UNC13D: variants seen among roughly 807,000 people sequenced by gnomAD.
The protein encoded by UNC13D is unc-13 homolog D.
Under a neutral mutation model 151.7 loss-of-function variants are expected in UNC13D, and 115 were observed. The ratio of observed to expected loss-of-function variants is 0.76; its 90% CI spans 0.65 to 0.88. The LOEUF (loss-of-function observed/expected upper bound fraction) is 0.88, where lower values mean the gene tolerates loss of function less well. Among genes scored for constraint, UNC13D ranks in the 40% least tolerant of loss-of-function variants. UNC13D has a pLI of 0.00. For missense variants in UNC13D, 1,369 were observed against 1,438.7 expected, an observed-to-expected ratio of 0.95 and a Z score of 0.78; for synonymous variants, 588 against 612.2, an observed-to-expected ratio of 0.96 and a Z score of 0.58.
At position 75,828,030 on chromosome 17, in the gene UNC13D, A is replaced by G. The variant is rs769221887; in HGVS notation, c.3208T>C (p.Phe1070Leu). Reference sequence around the variant, plus strand: ...GCCCGGTGCCGCCGCAGCCTCACAAAGACCTGGGCTTCTCGGTCACCCTTC... The same window carrying G: ...GCCCGGTGCCGCCGCAGCCTCACAAGGACCTGGGCTTCTCGGTCACCCTTC... ...GRKGDREAQV[F>L]VRLRRHRAKQ... Residue 1070 changes from phenylalanine (F) to leucine (L), a missense_variant, in exon 32 of 32, where the codon TTT becomes CTT. Phe to Leu is a conservative substitution (Grantham distance 22). Around this residue, in one of 3 missense-constraint regions of UNC13D, gnomAD observed 807 missense variants for 795.5 expected, o/e 1.01. Coordinates refer to ENST00000207549, the MANE Select transcript of UNC13D (RefSeq NM_199242.3). The G allele has an allele frequency of 9.4e-6, 15 of 1,588,282 alleles. No individual in the cohort carries two copies. The Admixed American group carries it at 2.0e-4, about 21-fold the overall frequency.
At chr17:75,829,014 C>T (rs1215921031) in intron 30 of UNC13D, 31 bp from the exon 31 acceptor site, 1 of 1,594,902 alleles carries the variant, frequency 6.3e-7, no homozygotes, top group Non-Finnish European at 8.5e-7. Flanking sequence ...CTGCTGCCAG[C>T]CCCAGCACAG....
Position 75,840,781 on chromosome 17 carries a change from C to T in UNC13D, c.664G>A (p.Asp222Asn), listed in dbSNP as rs1211012191. 1.2e-6 allele frequency: 2 copies of T among 1,614,016 alleles called. No individual in the cohort carries two copies. The highest frequency in any genetic ancestry group is 8.5e-7 in the Non-Finnish European group (1 of 1,180,042). ...ACGAACCTGCGAAGCCCATGCAGAT[C>T]CGTGAGCTCCCCAAGCTTCTGTCGG... ...SVRQKLGELT[D>N]LHGLRRIFKE... Residue 222 changes from aspartate (D) to asparagine (N), a missense_variant, in exon 8 of 32, where the codon GAT becomes AAT. Asp to Asn is a conservative substitution (Grantham distance 23). Coordinates refer to ENST00000207549, the MANE Select transcript of UNC13D (RefSeq NM_199242.3). The surrounding 1 kb of genome is among the most constrained non-coding windows in gnomAD (Gnocchi z 4.6).
At position 75,830,390 on chromosome 17, in the gene UNC13D, G is replaced by A. The variant is rs1369533684; in HGVS notation, c.2802C>T (p.Ala934=). The A allele has an allele frequency of 2.5e-5, 39 of 1,590,722 alleles. No homozygotes were observed. Among genetic ancestry groups the A allele is most frequent in the Non-Finnish European group, 3.2e-5 (38 of 1,170,406 alleles). The change falls in exon 29 of 32, where the codon GCC becomes GCT. Residue 934 remains alanine, a synonymous_variant. Transcript: ENST00000207549. ...EQKLRVELLS[A]SSLLPLDSNG... is the part of the protein sequence containing the mutation. ...TGGAGTCCAGGGGCAGCAGGCTGGAGGCGCTGAGCAGCTCCACACGCAGCT... is the reference window on the plus strand; with the variant it reads ...TGGAGTCCAGGGGCAGCAGGCTGGAAGCGCTGAGCAGCTCCACACGCAGCT...
chr17:75,840,820 T>C lies in UNC13D; in HGVS notation c.625A>G (p.Thr209Ala). Residue 209 changes from threonine (T) to alanine (A), a missense_variant, in exon 8 of 32, where the codon ACT (threonine) becomes GCT (alanine). Thr to Ala is a moderately conservative substitution (Grantham distance 58). This residue lies in a region of UNC13D where 550 missense variants were observed against 609.0 expected (regional missense o/e 0.90). Coordinates refer to ENST00000207549, the MANE Select transcript of UNC13D (RefSeq NM_199242.3). The surrounding 1 kb of genome is among the most constrained non-coding windows in gnomAD (Gnocchi z 4.6). The part of the protein sequence containing the change: ...SFHLDMWDLD[T>A]VESVRQKLGE... ...AGCTTCTGTCGGACAGACTCCACAGTGTCCAGGTCCCTGGCAGGACAGAGG... is the reference window on the plus strand; with the variant it reads ...AGCTTCTGTCGGACAGACTCCACAGCGTCCAGGTCCCTGGCAGGACAGAGG... The C allele has an allele frequency of 1.2e-6, 2 of 1,613,978 alleles. No homozygotes were observed. The highest frequency in any genetic ancestry group is 1.7e-6 in the Non-Finnish European group (2 of 1,180,000).
chr17:75,844,240 G>T lies in UNC13D; in HGVS notation c.98C>A (p.Pro33Gln), dbSNP rs140437526. 6.8e-6 allele frequency: 11 copies of T among 1,612,108 alleles called. No individual in the cohort carries two copies. The highest frequency in any genetic ancestry group is 3.3e-4 in the Middle Eastern group (2 of 6,056). Residue 33 changes from proline (P) to glutamine (Q), a missense_variant, in exon 1 of 32, where the codon CCG becomes CAG. Physicochemically the swap from Pro to Gln is moderately conservative, Grantham distance 76. This residue lies in a region of UNC13D where 550 missense variants were observed against 609.0 expected (regional missense o/e 0.90). Transcript: ENST00000207549. Reference sequence around the variant, plus strand: ...TCCTACCTCCGGGGCCATTTGGGGCGGGGGATCCTGTAGATCTCTGACTCT... The same window carrying T: ...TCCTACCTCCGGGGCCATTTGGGGCTGGGGATCCTGTAGATCTCTGACTCT... ...RRRVRDLQDPPPQMAPEIQPP... is the reference protein window; with the variant it reads ...RRRVRDLQDPQPQMAPEIQPP...
In UNC13D at chr17:75,827,406, T is replaced by TGTAGA; in HGVS notation, c.*558_*559insTCTAC. 11 of 1,394,796 alleles carry TGTAGA rather than the reference T, an allele frequency of 7.9e-6. No individual in the cohort carries two copies. In the Admixed American group the frequency reaches 8.8e-5, roughly 11 times the overall value. 86.4% of individuals were successfully genotyped at this position (1,394,796 alleles called of 1,614,324 possible). A position where few individuals can be genotyped will look rare whatever the true frequency, so the allele number is the denominator to read the frequency against. The stretch of plus-strand genomic sequence containing the variant: ...CTCTTGCTCCCTCAGAGCCAGAAGG[T>TGTAGA]TCTTGGCTCCAGGCTTCCTGGCCTG... On this transcript the variant is annotated 3_prime_UTR_variant, in exon 32 of 32. Transcript: ENST00000207549.
rs947987996 is a variant in UNC13D, at chr17:75,827,567, G to A, written c.*398C>T. 2.6e-6 allele frequency: 4 copies of A among 1,535,214 alleles called. No homozygotes were observed. Among genetic ancestry groups the A allele is most frequent in the Non-Finnish European group, 3.5e-6 (4 of 1,146,608 alleles). ...CAGGAGACTCTGTGCCTGTAGCCCTGGTCCCAGTGAACCTGGCCCCCACCC... is the reference window on the plus strand; with the variant it reads ...CAGGAGACTCTGTGCCTGTAGCCCTAGTCCCAGTGAACCTGGCCCCCACCC... On this transcript the variant is annotated 3_prime_UTR_variant, in exon 32 of 32. Transcript: ENST00000207549.
intron 13 of UNC13D, 49 bp downstream of exon 13, chr17:75,836,752 C>T (rs1320753998): frequency 6.2e-7 from 1 of 1,613,414 alleles, no homozygotes; most frequent in Non-Finnish European, 8.5e-7. Flanking sequence ...CTCCCCTGCC[C>T]CTTCCCTGAG....
At chr17:75,843,701 G>T (rs2064965743) in intron 1 of UNC13D, 182 bp from the exon 2 acceptor site, 1 of 1,455,434 alleles carries the variant, frequency 6.9e-7, no homozygotes, top group Non-Finnish European at 9.0e-7. Context: ...CCGTCCCTGG[G>T]CCCGCCGTGG....
At chr17:75,841,047 C>T (rs1167220680) in intron 6 of UNC13D, 46 bp from the exon 7 acceptor site, 2 of 1,611,718 alleles carry the variant, frequency 1.2e-6, no homozygotes, top group Non-Finnish European at 8.5e-7. Flanking sequence ...AGGGTGGATG[C>T]CCCCAGACGA....
At chr17:75,834,289 G>T in intron 23 of UNC13D, 36 bp downstream of exon 23, 1 of 1,589,360 alleles carries the variant, frequency 6.3e-7, no homozygotes, top group Admixed American at 1.7e-5. Flanking sequence ...CTGAAGACGG[G>T]ATGGGATGGG....
At position 75,833,212 on chromosome 17, in the gene UNC13D, C is replaced by G. The variant is rs535183530; in HGVS notation, c.2368-167G>C. On this transcript the variant is annotated intron_variant, in intron 24 of 31. Transcript: ENST00000207549. This position sits in a 1 kb window ranked among gnomAD's most constrained non-coding sequence, Gnocchi z 4.0. ...GCCCACCTCTCTGCCTTCCCCTCTC[C>G]GTTGCTCAGCCTGTCCCAGCCACAC... is the stretch of plus-strand genomic sequence containing the variant. 4.8e-5 allele frequency: 30 copies of G among 628,422 alleles called. 1 individual carries two copies. The African/African-American group carries it at 5.2e-4, about 11-fold the overall frequency. The allele number at this position is 628,422 out of a possible 1,614,324, so 38.9% of individuals were successfully genotyped here.
Position 75,835,408 on chromosome 17 carries a change from C to G in UNC13D, c.1848+1G>C. ...GCCCCCTGCCCTGGCCACGCCCCCACCTCATCCATCTGCACAGCGCGCTGC... is the reference window on the plus strand; with the variant it reads ...GCCCCCTGCCCTGGCCACGCCCCCAGCTCATCCATCTGCACAGCGCGCTGC... On this transcript the variant is annotated splice_donor_variant, in intron 20 of 31. Coordinates refer to ENST00000207549, the MANE Select transcript of UNC13D (RefSeq NM_199242.3). LOFTEE classifies it high-confidence loss of function. The G allele has an allele frequency of 1.2e-6, 2 of 1,611,744 alleles. No individual in the cohort carries two copies. Among genetic ancestry groups the G allele is most frequent in the Non-Finnish European group, 1.7e-6 (2 of 1,179,682 alleles).
At chr17:75,839,654 T>C (rs2064933282) in intron 12 of UNC13D, among the ~76,000 whole-genome samples, 185 bp downstream of exon 12, 1 of 151,928 alleles carries the variant, frequency 6.6e-6, no homozygotes, top group Non-Finnish European at 1.5e-5. Context: ...ATTACAGGAG[T>C]GAGCCACCGC....
Position 75,830,121 on chromosome 17 carries a change from A to G in UNC13D, c.2861T>C (p.Leu954Ser). The G allele has an allele frequency of 6.3e-7, 1 of 1,588,910 alleles. No individual in the cohort carries two copies. The highest frequency in any genetic ancestry group is 8.6e-7 in the Non-Finnish European group (1 of 1,167,980). Residue 954 changes from leucine (L) to serine (S), a missense_variant, in exon 30 of 32, where the codon TTG (leucine) becomes TCG (serine). This residue lies in a region of UNC13D where 807 missense variants were observed against 795.5 expected (regional missense o/e 1.01). Transcript: ENST00000207549. The part of the protein sequence containing the change: ...GSSDPFVQLT[L>S]EPRHEFPELA... The stretch of plus-strand genomic sequence containing the variant: ...CTCAGGGAACTCATGCCTGGGCTCC[A>G]AGGTCAGCTGGACAAAGGGGTCGCT...
At chr17:75,835,590 G>C in intron 19 of UNC13D, 57 bp downstream of exon 19, 3 of 1,611,354 alleles carry the variant, frequency 1.9e-6, no homozygotes, top group Non-Finnish European at 2.5e-6. Context: ...CTGGGGCCTC[G>C]TCCACCCTCC....
chr17:75,843,936 G>A (rs905377921), intron 1 of UNC13D: 92 of 1,386,014 alleles, frequency 6.6e-5, no homozygotes, highest in Non-Finnish European at 7.6e-5. Flanking sequence ...TAATGGAGTC[G>A]GCTCTTCTGA....
At chr17:75,842,734 T>TG (rs1289324702) in intron 5 of UNC13D, 121 bp from the exon 6 acceptor site, 2 of 1,591,408 alleles carry the variant, frequency 1.3e-6, no homozygotes, top group Admixed American at 1.7e-5. Flanking sequence ...ACCAGCAGCA[T>TG]GGGGGGCCAG....
chr17:75,828,079 T>C lies in UNC13D; in HGVS notation c.3159A>G (p.Pro1053=), dbSNP rs2062136414. 6.4e-7 allele frequency: 1 copy of C among 1,573,350 alleles called. No homozygotes were observed. The highest frequency in any genetic ancestry group is 1.4e-5 in the African/African-American group (1 of 74,062). The change falls in exon 32 of 32, where the codon CCA becomes CCG. Residue 1053 remains proline, a synonymous_variant. Coordinates refer to ENST00000207549, the MANE Select transcript of UNC13D (RefSeq NM_199242.3). ...PLTYPAPNGD[P]ILQLLEGRKG... ...TCCGGCCCTCCAGCAGCTGCAGGAT[T>C]GGGTCCCCTGCGGAGAGAGGGGTTT...
Sources: allele counts gnomAD v4.1 joint callset (sites outside exome capture counted in the v4.1 genomes callset), GRCh38; gene constraint gnomAD v4.1.1; regional missense constraint gnomAD v4.1.1; non-coding constraint Gnocchi (gnomAD v3.1); transcripts MANE v1.5; gene names NCBI Gene and HGNC (gene_info 2026-07-23, HGNC 2026-07-21).